BRINP3: variants seen among roughly 807,000 people sequenced by gnomAD.
BRINP3 encodes BMP/retinoic acid-inducible neural-specific protein 3.
A neutral mutation model predicts 71.0 loss-of-function variants in BRINP3; 19 were observed. The ratio of observed to expected loss-of-function variants is 0.27; its 90% CI spans 0.19 to 0.39. The LOEUF (loss-of-function observed/expected upper bound fraction) is 0.39. Ranked by LOEUF, BRINP3 falls within the 10% of genes least tolerant of loss-of-function variation. The probability of loss-of-function intolerance (pLI) is 1.00; values close to 1 mark genes in which losing one functional copy is unlikely to be tolerated. For synonymous variants in BRINP3, 380 were observed against 337.7 expected (o/e 1.13, Z -1.37); for missense variants, 959 against 940.8 (o/e 1.02, Z -0.25).
Position 190,312,036 on chromosome 1 carries a change from AATATATATATATATATATAT to A in BRINP3, c.237-30306_237-30287del, listed in dbSNP as rs1180367434. 8.2e-4 allele frequency among the ~76,000 whole-genome samples: 56 copies of A among 68,306 alleles called. No individual in the cohort carries two copies. In the South Asian group the frequency reaches 8.5e-3, roughly 10 times the overall value. The allele number at this position is 68,306 out of a possible 152,430, so 44.8% of individuals were successfully genotyped here. A position where few individuals can be genotyped will look rare whatever the true frequency, so the allele number is the denominator to read the frequency against. ...AAAATACATGATATTTGAAAAGTCA[AATATATATATATATATATAT>A]ATATATATATATATATATATGTATT... On this transcript the variant is annotated intron_variant, in intron 2 of 7. Coordinates refer to ENST00000367462, the MANE Select transcript of BRINP3 (RefSeq NM_199051.3).
intron 2 of BRINP3, among the ~76,000 whole-genome samples, chr1:190,375,779 C>T (rs977425318): frequency 6.6e-6 from 1 of 151,942 alleles, no homozygotes; most frequent in African/African-American, 2.4e-5. Flanking sequence ...AGAATAATTT[C>T]AAAAAGGCCC....
At chr1:190,430,404 A>C (rs572847134) in intron 2 of BRINP3, among the ~76,000 whole-genome samples, 1 of 152,302 alleles carries the variant, frequency 6.6e-6, no homozygotes, top group East Asian at 1.9e-4. Context: ...AGGATTAGTC[A>C]AGGTGAATTA....
At chr1:190,361,525 C>A (rs1669147333) in intron 2 of BRINP3, among the ~76,000 whole-genome samples, 1 of 151,988 alleles carries the variant, frequency 6.6e-6, no homozygotes, top group African/African-American at 2.4e-5. Flanking sequence ...GCCTTAGCCT[C>A]CTGAGTAGCT....
At position 190,160,780 on chromosome 1, in the gene BRINP3, G is replaced by C. The variant is rs1489676013; in HGVS notation, c.1072C>G (p.Leu358Val). The change falls in exon 7 of 8, where the codon CTG becomes GTG. Residue 358 changes from leucine (L) to valine (V), a missense_variant. Transcript: ENST00000367462. ...DSNFQRRYEQ[L>V]ENSMKQLFLK... ...AAAAGTTGTTTCATGCTGTTCTCCAGTTGTTCATAACGGCGCTGAAAATTA... is the reference window on the plus strand; with the variant it reads ...AAAAGTTGTTTCATGCTGTTCTCCACTTGTTCATAACGGCGCTGAAAATTA... 1.9e-6 allele frequency: 3 copies of C among 1,613,484 alleles called. No homozygotes were observed. Among genetic ancestry groups the C allele is most frequent in the Non-Finnish European group, 2.5e-6 (3 of 1,179,708 alleles).
intron 3 of BRINP3, among the ~76,000 whole-genome samples, chr1:190,277,712 T>A (rs985738823): frequency 2.0e-5 from 3 of 151,792 alleles, no homozygotes; most frequent in African/African-American, 7.2e-5. Flanking sequence ...TGTCATATAT[T>A]GAATTATAAT....
intron 2 of BRINP3, among the ~76,000 whole-genome samples, chr1:190,313,675 G>A (rs2584592): frequency 0.96 from 145,543 of 152,078 alleles, 69,959 homozygotes; most frequent in East Asian, 1. Flanking sequence ...GCATTATCTT[G>A]TTTTATCCTC....
chr1:190,438,205 A>T (rs1047673500), intron 2 of BRINP3, among the ~76,000 whole-genome samples: 1 of 151,586 alleles, frequency 6.6e-6, no homozygotes, highest in Non-Finnish European at 1.5e-5. Flanking sequence ...ATCATTGTAC[A>T]ATATTAAATG....
intron 2 of BRINP3, among the ~76,000 whole-genome samples, chr1:190,333,384 C>T (rs115891971): frequency 6.5e-4 from 99 of 151,722 alleles, no homozygotes; most frequent in Non-Finnish European, 1.3e-3. Context: ...ACATATACTG[C>T]AGTGAGTGGT....
intron 6 of BRINP3, among the ~76,000 whole-genome samples, chr1:190,217,270 G>A (rs905159764): frequency 6.6e-6 from 1 of 151,760 alleles, no homozygotes; most frequent in African/African-American, 2.4e-5. Context: ...CCTGTGAGTG[G>A]TGATAATATT....
chr1:190,288,914 G>A (rs982223479), intron 2 of BRINP3, among the ~76,000 whole-genome samples: 1 of 151,788 alleles, frequency 6.6e-6, no homozygotes, highest in Non-Finnish European at 1.5e-5. Flanking sequence ...ATAGATATCT[G>A]TTAATGAAAA....
intron 1 of BRINP3, among the ~76,000 whole-genome samples, chr1:190,456,568 T>C (rs1346494814): frequency 6.6e-6 from 1 of 151,924 alleles, no homozygotes; most frequent in Non-Finnish European, 1.5e-5. Context: ...GAAAAAATAT[T>C]TTATATATTT....
intron 2 of BRINP3, among the ~76,000 whole-genome samples, chr1:190,424,932 G>C (rs918536106): frequency 1.9e-4 from 29 of 151,534 alleles, no homozygotes; most frequent in African/African-American, 6.8e-4. Flanking sequence ...CCTGGGAGGT[G>C]AGGAGAGTCA....
chr1:190,328,147 G>A (rs1412760393), intron 2 of BRINP3, among the ~76,000 whole-genome samples: 1 of 151,894 alleles, frequency 6.6e-6, no homozygotes, highest in African/African-American at 2.4e-5. Flanking sequence ...ACAGCTAGGG[G>A]AACTAGAAAA....
intron 2 of BRINP3, among the ~76,000 whole-genome samples, chr1:190,425,977 G>C (rs1462112470): frequency 2.0e-5 from 3 of 151,704 alleles, no homozygotes; most frequent in Non-Finnish European, 4.4e-5. Context: ...AAATTTAAAT[G>C]CATTGGCATA....
At chr1:190,443,718 G>A (rs1194271639) in intron 2 of BRINP3, among the ~76,000 whole-genome samples, 2 of 152,098 alleles carry the variant, frequency 1.3e-5, no homozygotes, top group Admixed American at 6.5e-5. Context: ...GATAAACTGA[G>A]AGGTTTATCC....
At chr1:190,269,381 T>C (rs761880450) in intron 3 of BRINP3, among the ~76,000 whole-genome samples, 13 of 152,046 alleles carry the variant, frequency 8.6e-5, no homozygotes, top group Non-Finnish European at 1.8e-4. Context: ...AATTCATAAC[T>C]AAAAATCCAA....
intron 2 of BRINP3, among the ~76,000 whole-genome samples, chr1:190,437,408 T>C (rs1381942334): frequency 6.6e-6 from 1 of 151,806 alleles, no homozygotes; most frequent in African/African-American, 2.4e-5. Flanking sequence ...TTCAAATAAC[T>C]TCACTTAATC....
chr1:190,123,001 C>A (rs757053657), intron 7 of BRINP3, among the ~76,000 whole-genome samples: 2 of 152,042 alleles, frequency 1.3e-5, no homozygotes, highest in African/African-American at 2.4e-5. Context: ...ACAGTTGCAA[C>A]CAGACTTGAA....
chr1:190,108,271 C>T (rs1652360393), intron 7 of BRINP3, among the ~76,000 whole-genome samples: 1 of 151,840 alleles, frequency 6.6e-6, no homozygotes, highest in Non-Finnish European at 1.5e-5. Flanking sequence ...AGAGATGCCA[C>T]AAAATCACCA....
Sources: gnomAD v4.1 joint callset for allele counts (sites outside exome capture counted in the v4.1 genomes callset) on GRCh38, gnomAD v4.1.1 for gene constraint, MANE v1.5 for transcripts, NCBI Gene and HGNC (gene_info 2026-07-23, HGNC 2026-07-21) for gene names.